ZNF365: variants seen among roughly 807,000 people sequenced by gnomAD.
The protein encoded by ZNF365 is zinc finger protein 365, also known as protein ZNF365.
In ZNF365, 22 loss-of-function variants were observed where a neutral mutation model predicts 35.0. The observed-to-expected ratio is 0.63, with a 90% CI of 0.45 to 0.90. The LOEUF (loss-of-function observed/expected upper bound fraction) is 0.90, where lower values mean the gene tolerates loss of function less well. Ranked by LOEUF, ZNF365 falls within the 40% of genes least tolerant of loss-of-function variation. ZNF365 has a pLI of 0.00. For synonymous variants in ZNF365, 188 were observed against 196.2 expected (o/e 0.96, Z 0.35); for missense variants, 448 against 500.3 (o/e 0.90, Z 1.00).
At chr10:62,453,333 G>A (rs527334891) in intron 3 of ZNF365, among the ~76,000 whole-genome samples, 2 of 152,182 alleles carry the variant, frequency 1.3e-5, no homozygotes, top group East Asian at 3.9e-4. Context: ...CCCACTCAAT[G>A]TCCACGTGGA....
chr10:62,376,933 A>C lies in ZNF365; in HGVS notation c.740A>C (p.Glu247Ala). The C allele has an allele frequency of 6.2e-7, 1 of 1,602,048 alleles. No homozygotes were observed. Among genetic ancestry groups the C allele is most frequent in the Non-Finnish European group, 8.5e-7 (1 of 1,175,362 alleles). Reference sequence around the variant, plus strand: ...TCTGAGGAGGAGCTTCTTAGGAAAGAAGAGTAAGTGTTGCTGACAGGGGAT... The same window carrying C: ...TCTGAGGAGGAGCTTCTTAGGAAAGCAGAGTAAGTGTTGCTGACAGGGGAT... ...TESEEELLRK[E>A]EEVVTFNHFL... The change falls in exon 2 of 5, where the codon GAA becomes GCA. Residue 247 changes from glutamate to alanine, a missense_variant. Glu to Ala is a moderately radical substitution (Grantham distance 107). Around this residue, in one of 3 missense-constraint regions of ZNF365, gnomAD observed 362 missense variants for 375.7 expected, o/e 0.96. Transcript: ENST00000395254.
At chr10:62,398,858 A>G (rs2132428279) in intron 4 of ZNF365, 81 bp downstream of exon 4, 2 of 1,325,464 alleles carry the variant, frequency 1.5e-6, no homozygotes, top group African/African-American at 1.5e-5. Context: ...ATGAGATCGT[A>G]TCTATTTTAT....
At chr10:62,413,996 T>C (rs1840030745) in intron 3 of ZNF365, among the ~76,000 whole-genome samples, 1 of 152,150 alleles carries the variant, frequency 6.6e-6, no homozygotes, top group Non-Finnish European at 1.5e-5. Context: ...CCTCATAGAT[T>C]CAGGATTACC....
intron 2 of ZNF365, among the ~76,000 whole-genome samples, chr10:62,385,577 T>C (rs931877524): frequency 3.3e-5 from 5 of 152,164 alleles, no homozygotes; most frequent in African/African-American, 4.8e-5. Context: ...AGCCCTGGAA[T>C]GGTAAATGTG....
intron 3 of ZNF365, among the ~76,000 whole-genome samples, chr10:62,396,834 C>T (rs1194386712): frequency 6.6e-6 from 1 of 152,118 alleles, no homozygotes; most frequent in East Asian, 1.9e-4. Context: ...AATCATTAAA[C>T]TGCCACTTAC....
At chr10:62,473,545 C>T (rs1427046314) in intron 4 of ZNF365, among the ~76,000 whole-genome samples, 1 of 151,258 alleles carries the variant, frequency 6.6e-6, no homozygotes, top group African/African-American at 2.4e-5. Context: ...AGTTACGTGA[C>T]ATTGAACAAG....
chr10:62,402,900 C>T (rs1839852364), downstream of ZNF365, among the ~76,000 whole-genome samples: 1 of 152,164 alleles, frequency 6.6e-6, no homozygotes, highest in Non-Finnish European at 1.5e-5. Context: ...AGCCATTGTT[C>T]TTTTAAGAAC....
At position 62,376,581 on chromosome 10, in the gene ZNF365, A is replaced by G. The variant is rs770171052; in HGVS notation, c.388A>G (p.Thr130Ala). The G allele has an allele frequency of 6.2e-7, 1 of 1,614,104 alleles. No individual in the cohort carries two copies. The highest frequency in any genetic ancestry group is 2.2e-5 in the East Asian group (1 of 44,874). Reference protein sequence around the residue: ...ERPVSYVQTYTAMDLHADSLD... With the variant: ...ERPVSYVQTYAAMDLHADSLD... ...GCCTGTGTCCTATGTGCAGACCTACACTGCCATGGACCTCCATGCAGACTC... is the reference window on the plus strand; with the variant it reads ...GCCTGTGTCCTATGTGCAGACCTACGCTGCCATGGACCTCCATGCAGACTC... The change falls in exon 2 of 5, where the codon ACT becomes GCT. Residue 130 changes from threonine to alanine, a missense_variant. Thr to Ala is a moderately conservative substitution (Grantham distance 58). This residue lies in a region of ZNF365 where 362 missense variants were observed against 375.7 expected (regional missense o/e 0.96). Transcript: ENST00000395254.
chr10:62,416,571 A>C (rs1311597120), intron 3 of ZNF365, among the ~76,000 whole-genome samples: 1 of 152,144 alleles, frequency 6.6e-6, no homozygotes. Flanking sequence ...TTGCAGCTCA[A>C]AATAGCTTTT....
In ZNF365 at chr10:62,401,682, A is replaced by G; in HGVS notation, c.*1893A>G. 1 of 985,554 alleles carries G rather than the reference A, an allele frequency of 1.0e-6. No individual in the cohort carries two copies. The highest frequency in any genetic ancestry group is 1.2e-6 in the Non-Finnish European group (1 of 829,928). The allele number at this position is 985,554 out of a possible 1,614,324, so 61.1% of individuals were successfully genotyped here. ...ATGATTGCACCTTAGCCTTTTACAT[A>G]CTAAAAACATGACTTGTTAGTTGTA... On this transcript the variant is annotated 3_prime_UTR_variant, in exon 5 of 5. Transcript: ENST00000395254.
At chr10:62,433,105 T>A (rs1840357851) in intron 3 of ZNF365, among the ~76,000 whole-genome samples, 1 of 152,220 alleles carries the variant, frequency 6.6e-6, no homozygotes, top group African/African-American at 2.4e-5. Context: ...GGACTGTTCC[T>A]TGTAGAACCT....
In ZNF365 at chr10:62,416,892, G is replaced by A. The variant is rs147720522; in HGVS notation, c.924+28316G>A. Among the ~76,000 whole-genome samples, 7 of 152,056 alleles carry A rather than the reference G, an allele frequency of 4.6e-5. No individual in the cohort carries two copies. The East Asian group carries it at 1.4e-3, about 29-fold the overall frequency. On this transcript the variant is annotated intron_variant, in intron 3 of 4. Coordinates refer to the ZNF365 transcript ENST00000395255. Reference sequence around the variant, plus strand: ...TCAGATTTTAGTATTTTGAATTTGGGATGCTTAACCTGTATTACTATAATT... The same window carrying A: ...TCAGATTTTAGTATTTTGAATTTGGAATGCTTAACCTGTATTACTATAATT...
chr10:62,407,983 G>C (rs1259013440), intron 3 of ZNF365, among the ~76,000 whole-genome samples: 3 of 152,136 alleles, frequency 2.0e-5, no homozygotes, highest in Admixed American at 6.6e-5. Flanking sequence ...CTAAACTAGT[G>C]ATAATTTGTT....
intron 1 of ZNF365, chr10:62,375,615 T>C (rs1320648601): frequency 1.9e-5 from 3 of 155,586 alleles, no homozygotes; most frequent in Non-Finnish European, 4.3e-5. Flanking sequence ...CTGAGCTTGC[T>C]GTCTTAGGAC....
chr10:62,404,080 GC>G (rs1309923033), downstream of ZNF365, among the ~76,000 whole-genome samples: 1 of 152,092 alleles, frequency 6.6e-6, no homozygotes, highest in African/African-American at 2.4e-5. Flanking sequence ...TCGAACTATA[GC>G]CCTATGTTAA....
In ZNF365 at chr10:62,375,355, A is replaced by G. The variant is rs142471566; in HGVS notation, c.-13-826A>G. Among the ~76,000 whole-genome samples, 794 of 152,320 alleles carry G rather than the reference A, an allele frequency of 5.2e-3. 7 individuals carry two copies. Among genetic ancestry groups the G allele is most frequent in the Non-Finnish European group, 9.9e-3 (675 of 68,030 alleles). ...AAGACAAATCCGTCCAGAACACTCT[A>G]TTATAATAAAAATCTTGGCCATGGC... On this transcript the variant is annotated intron_variant, in intron 1 of 4. Transcript: ENST00000395254.
intron 4 of ZNF365, among the ~76,000 whole-genome samples, chr10:62,464,470 G>C (rs1413611495): frequency 1.3e-5 from 2 of 152,294 alleles, no homozygotes; most frequent in East Asian, 3.9e-4. Flanking sequence ...CAAGCGCCTT[G>C]TACACAGCCT....
intron 3 of ZNF365, among the ~76,000 whole-genome samples, chr10:62,431,264 T>C (rs1840329521): frequency 6.6e-6 from 1 of 152,196 alleles, no homozygotes; most frequent in African/African-American, 2.4e-5. Context: ...CAAATAATAA[T>C]GCTAATAGTA....
chr10:62,470,873 A>T (rs1841022195), intron 4 of ZNF365, among the ~76,000 whole-genome samples: 1 of 151,944 alleles, frequency 6.6e-6, no homozygotes, highest in Admixed American at 6.6e-5. Flanking sequence ...GTGTTGCAAA[A>T]AATTTTTTCC....
Sources: allele counts gnomAD v4.1 joint callset (sites outside exome capture counted in the v4.1 genomes callset), GRCh38; gene constraint gnomAD v4.1.1; regional missense constraint gnomAD v4.1.1; transcripts MANE v1.5; gene names NCBI Gene and HGNC (gene_info 2026-07-23, HGNC 2026-07-21).